ILRUN: variants seen among roughly 807,000 people sequenced by gnomAD.
ILRUN encodes the protein inflammation and lipid regulator with UBA-like and NBR1-like domains.
In ILRUN, 3 loss-of-function variants were observed where a neutral mutation model predicts 33.8. That is an observed-to-expected ratio of 0.09 (90% CI 0.04 to 0.23). The LOEUF is 0.23. Ranked by LOEUF, ILRUN falls within the 10% of genes least tolerant of loss-of-function variation. ILRUN has a pLI of 1.00. For missense variants in ILRUN, 210 were observed against 375.1 expected, an observed-to-expected ratio of 0.56 and a Z score of 3.64; for synonymous variants, 124 against 138.9, an observed-to-expected ratio of 0.89 and a Z score of 0.75.
intron 1 of ILRUN, among the ~76,000 whole-genome samples, chr6:34,656,908 C>A (rs1481179032): frequency 6.6e-6 from 1 of 152,226 alleles, no homozygotes; most frequent in Non-Finnish European, 1.5e-5. Flanking sequence ...TGGGGCCAAA[C>A]TGCACCTGTT....
chr6:34,632,584 C>T (rs1395812339), intron 3 of ILRUN, among the ~76,000 whole-genome samples: 2 of 134,986 alleles, frequency 1.5e-5, no homozygotes, highest in African/African-American at 2.9e-5. Flanking sequence ...GATGGAGTCT[C>T]GCTCTGTCAC....
chr6:34,617,310 G>A (rs1026676040), intron 3 of ILRUN: 3 of 324,340 alleles, frequency 9.2e-6, no homozygotes, highest in Admixed American at 8.3e-5. Flanking sequence ...AACAGTATGC[G>A]CTCTCAAATT....
intron 1 of ILRUN, among the ~76,000 whole-genome samples, chr6:34,661,960 C>T (rs567544254): frequency 6.6e-6 from 1 of 151,852 alleles, no homozygotes; most frequent in African/African-American, 2.4e-5. Flanking sequence ...CCCGTCTCTA[C>T]TAAAAATGCA....
intron 2 of ILRUN, among the ~76,000 whole-genome samples, chr6:34,647,453 T>C (rs1310695096): frequency 1.3e-5 from 2 of 152,020 alleles, no homozygotes; most frequent in African/African-American, 4.8e-5. Flanking sequence ...ATCAATGAAC[T>C]GTGGTCGCAG....
intron 2 of ILRUN, among the ~76,000 whole-genome samples, chr6:34,648,559 G>A (rs950137530): frequency 2.6e-5 from 4 of 152,182 alleles, no homozygotes; most frequent in Non-Finnish European, 4.4e-5. Context: ...AACCACTGCT[G>A]GAGGAAAGGC....
chr6:34,623,673 C>T (rs1401497663), intron 3 of ILRUN, among the ~76,000 whole-genome samples: 3 of 152,136 alleles, frequency 2.0e-5, no homozygotes, highest in Non-Finnish European at 4.4e-5. Context: ...AGCTACAGTA[C>T]ATTAAGAGGC....
At chr6:34,662,607 T>C (rs1023006803) in intron 1 of ILRUN, among the ~76,000 whole-genome samples, 8 of 152,194 alleles carry the variant, frequency 5.3e-5, no homozygotes, top group African/African-American at 1.9e-4. Flanking sequence ...CGGATGAACC[T>C]TGAGGATTTT....
In ILRUN at chr6:34,681,847, T is replaced by G. The variant is rs915241100; in HGVS notation, c.158+14599A>C. Among the ~76,000 whole-genome samples, 21 of 22,994 alleles carry G rather than the reference T, an allele frequency of 9.1e-4. No individual in the cohort carries two copies. The East Asian group carries it at 0.032, about 35-fold the overall frequency. The allele number at this position is 22,994 out of a possible 152,430, so 15.1% of individuals were successfully genotyped here. On this transcript the variant is annotated intron_variant, in intron 1 of 4. Transcript: ENST00000374023. ...AAATGACCAAAGTCCACCACTACAT[T>G]TTTTTTTTTTTTTTTTTTTTTTTGA...
chr6:34,654,673 T>C lies in ILRUN; in HGVS notation c.265A>G (p.Ile89Val). Residue 89 changes from isoleucine to valine, a missense_variant, in exon 2 of 5, where the codon ATA (isoleucine) becomes GTA (valine). Ile to Val is a conservative substitution (Grantham distance 29, BLOSUM62 3). This residue lies in a region of ILRUN where 8 missense variants were observed against 45.6 expected (regional missense o/e 0.18). Coordinates refer to ENST00000374023, the MANE Select transcript of ILRUN (RefSeq NM_024294.4). ...TTTACAAACTGAGTATCCGGAGGTA[T>C]TGACTCCCCTTCTCCTATGGTGACA... is the stretch of plus-strand genomic sequence containing the variant. ...EDVTIGEGES[I>V]PPDTQFVKTW... 1.9e-6 allele frequency: 3 copies of C among 1,614,044 alleles called. No homozygotes were observed. The highest frequency in any genetic ancestry group is 2.5e-6 in the Non-Finnish European group (3 of 1,179,980).
At position 34,606,935 on chromosome 6, in the gene ILRUN, C is replaced by A. The variant is rs370439242; in HGVS notation, c.512-31G>T. On this transcript the variant is annotated intron_variant, in intron 3 of 4. Coordinates refer to ENST00000374023, the MANE Select transcript of ILRUN (RefSeq NM_024294.4). ...ACAAAAAGGTAACTCATTTCAATGC[C>A]AGGCTTACCCTTAAAGGCCCAAGAT... is the stretch of plus-strand genomic sequence containing the variant. 170 of 1,549,626 alleles carry A rather than the reference C, an allele frequency of 1.1e-4. No individual in the cohort carries two copies. In the African/African-American group the frequency reaches 2.0e-3, roughly 19 times the overall value.
intron 3 of ILRUN, among the ~76,000 whole-genome samples, chr6:34,642,514 A>G (rs577526743): frequency 2.0e-4 from 30 of 152,308 alleles, no homozygotes; most frequent in South Asian, 4.1e-4. Context: ...GAGATGAAAC[A>G]CGGCTTTACC....
chr6:34,591,396 G>C (rs1020782471), intron 4 of ILRUN, among the ~76,000 whole-genome samples: 6 of 152,164 alleles, frequency 3.9e-5, no homozygotes, highest in Non-Finnish European at 8.8e-5. Flanking sequence ...TTGGGAGGCT[G>C]AAGTGGGACG....
chr6:34,604,003 T>C (rs1056844810), intron 4 of ILRUN, among the ~76,000 whole-genome samples: 1 of 152,194 alleles, frequency 6.6e-6, no homozygotes, highest in Non-Finnish European at 1.5e-5. Context: ...TTTCTAAGAT[T>C]CTGCTTAGAT....
chr6:34,661,231 T>C (rs1045896608), intron 1 of ILRUN, among the ~76,000 whole-genome samples: 6 of 152,214 alleles, frequency 3.9e-5, no homozygotes, highest in African/African-American at 1.2e-4. Flanking sequence ...TAGTTATGTA[T>C]GAGAATATCC....
chr6:34,661,523 C>G (rs981108147), intron 1 of ILRUN, among the ~76,000 whole-genome samples: 4 of 152,130 alleles, frequency 2.6e-5, no homozygotes, highest in Non-Finnish European at 5.9e-5. Flanking sequence ...ATAAACTACA[C>G]ATTTGAGAGC....
rs75947571 is a variant in ILRUN at position 34,627,369 on chromosome 6, T to C, written c.511+19232A>G. ...TAGATAAAGTTGCTATAAACATCTGTGTGCAGGCTTTTGTGTGAATGTAAG... is the reference window on the plus strand; with the variant it reads ...TAGATAAAGTTGCTATAAACATCTGCGTGCAGGCTTTTGTGTGAATGTAAG... On this transcript the variant is annotated intron_variant, in intron 3 of 4. Transcript: ENST00000374023. 1.6e-3 allele frequency among the ~76,000 whole-genome samples: 242 copies of C among 152,342 alleles called. 2 individuals carry two copies. The highest frequency in any genetic ancestry group is 0.014 in the East Asian group (72 of 5,170).
Position 34,620,324 on chromosome 6 carries a change from A to G in ILRUN, c.512-13420T>C, listed in dbSNP as rs200645228. 1.2e-4 allele frequency among the ~76,000 whole-genome samples: 18 copies of G among 152,324 alleles called. No homozygotes were observed. In the East Asian group the frequency reaches 2.9e-3, roughly 24 times the overall value. ...GTGACTGGCACAAGGCAGGTGCTCA[A>G]TAAGGAGCAAATTATTAATGCAAAA... On this transcript the variant is annotated intron_variant, in intron 3 of 4. Coordinates refer to ENST00000374023, the MANE Select transcript of ILRUN (RefSeq NM_024294.4).
At chr6:34,632,176 C>T (rs534136017) in intron 3 of ILRUN, among the ~76,000 whole-genome samples, 17 of 152,302 alleles carry the variant, frequency 1.1e-4, no homozygotes, top group African/African-American at 3.8e-4. Context: ...CGTGGTGGCT[C>T]ACACCTGTAA....
intron 1 of ILRUN, among the ~76,000 whole-genome samples, chr6:34,693,461 C>A (rs1409143047): frequency 6.7e-6 from 1 of 148,730 alleles, no homozygotes; most frequent in African/African-American, 2.5e-5. Flanking sequence ...CTCAGGTGAT[C>A]TTCCTACCTC....
Sources: allele counts gnomAD v4.1 joint callset (sites outside exome capture counted in the v4.1 genomes callset), GRCh38; gene constraint gnomAD v4.1.1; regional missense constraint gnomAD v4.1.1; transcripts MANE v1.5; gene names NCBI Gene and HGNC (gene_info 2026-07-23, HGNC 2026-07-21).